PCSK9: variants seen among roughly 807,000 people sequenced by gnomAD.
PCSK9 encodes convertase subtilisin/kexin type 9 preproprotein.
Under a neutral mutation model 62.1 loss-of-function variants are expected in PCSK9, and 57 were observed. The observed-to-expected ratio is 0.92, with a 90% CI of 0.74 to 1.14. The LOEUF (loss-of-function observed/expected upper bound fraction) is 1.14. Ranked by LOEUF, PCSK9 falls within the 50% of genes most tolerant of loss-of-function variation. The pLI is 0.00. For synonymous variants in PCSK9, 387 were observed against 409.4 expected, an observed-to-expected ratio of 0.95 and a Z score of 0.66; for missense variants, 870 against 959.8, an observed-to-expected ratio of 0.91 and a Z score of 1.24.
chr1:55,051,401 G>A, intron 3 of PCSK9: 1 of 336,288 alleles, frequency 3.0e-6, no homozygotes, highest in Non-Finnish European at 5.8e-6. Flanking sequence ...CAACCTGCCT[G>A]AAGTCTTCCT....
At chr1:55,058,339 TG>T in intron 8 of PCSK9, 130 bp downstream of exon 8, 1 of 1,490,426 alleles carries the variant, frequency 6.7e-7, no homozygotes, top group Non-Finnish European at 9.2e-7. Context: ...TAAATGAGAA[TG>T]GGGCTCTGAA....
chr1:55,046,862 G>T (rs997662502), intron 3 of PCSK9, among the ~76,000 whole-genome samples: 7 of 152,058 alleles, frequency 4.6e-5, no homozygotes, highest in African/African-American at 1.7e-4. Context: ...TGCCTTAAAT[G>T]ATCCTCTTTT....
At position 55,052,716 on chromosome 1, in the gene PCSK9, G is replaced by A. The variant is rs1238510123; in HGVS notation, c.724G>A (p.Ala242Thr). 3 of 1,613,054 alleles carry A rather than the reference G, an allele frequency of 1.9e-6. No homozygotes were observed. Among genetic ancestry groups the A allele is most frequent in the Non-Finnish European group, 1.7e-6 (2 of 1,179,998 alleles). The part of the protein sequence containing the change: ...GVVSGRDAGV[A>T]KGASMRSLRV... ...GGTCAGCGGCCGGGATGCCGGCGTG[G>A]CCAAGGGTGCCAGCATGCGCAGCCT... Residue 242 changes from alanine (A) to threonine (T), a missense_variant, in exon 5 of 12, where the codon GCC becomes ACC. By Grantham distance (58) the Ala-to-Thr change is moderately conservative (BLOSUM62 0). Coordinates refer to ENST00000302118, the MANE Select transcript of PCSK9 (RefSeq NM_174936.4).
chr1:55,052,555 T>C, intron 4 of PCSK9, 95 bp from the exon 5 acceptor site: 1 of 1,601,610 alleles, frequency 6.2e-7, no homozygotes. Context: ...CTGCCATCAG[T>C]TGTGGGAAGG....
rs910368517 is a variant in PCSK9 at position 55,056,153 on chromosome 1, C to T, written c.960C>T (p.Asp320=). ...VLVTAAGNFR[D]DACLYSPASA... is the part of the protein sequence containing the mutation. ...TCACCGCTGCCGGCAACTTCCGGGA[C>T]GATGCCTGCCTCTACTCCCCAGCCT... Residue 320 remains aspartate, a synonymous_variant, in exon 6 of 12, where the codon GAC becomes GAT. Coordinates refer to ENST00000302118, the MANE Select transcript of PCSK9 (RefSeq NM_174936.4). 2.6e-6 allele frequency: 4 copies of T among 1,532,786 alleles called. No homozygotes were observed. Among genetic ancestry groups the T allele is most frequent in the Admixed American group, 3.7e-5 (2 of 54,582 alleles). The allele number at this position is 1,532,786 out of a possible 1,614,324, so 94.9% of individuals were successfully genotyped here.
chr1:55,046,381 C>T (rs977776947), intron 2 of PCSK9, 142 bp from the exon 3 acceptor site: 151 of 1,284,610 alleles, frequency 1.2e-4, no homozygotes, highest in Non-Finnish European at 1.3e-4. Context: ...GTCTGTCCTC[C>T]GGGGCACTAG....
rs149097297 is a variant in PCSK9 at position 55,057,507 on chromosome 1, C to T, written c.1173C>T (p.His391=). Residue 391 remains histidine (H), a synonymous_variant, in exon 7 of 12, where the codon CAC becomes CAT. Coordinates refer to ENST00000302118, the MANE Select transcript of PCSK9 (RefSeq NM_174936.4). ...GTGGGACATCACAGGCTGCTGCCCACGTGGCTGGTAAGTCACCACCCCACT... is the reference window on the plus strand; with the variant it reads ...GTGGGACATCACAGGCTGCTGCCCATGTGGCTGGTAAGTCACCACCCCACT... ...SQSGTSQAAA[H]VAGIAAMMLS... is the part of the protein sequence containing the mutation. 177 of 1,610,968 alleles carry T rather than the reference C, an allele frequency of 1.1e-4. No individual in the cohort carries two copies. The highest frequency in any genetic ancestry group is 1.4e-4 in the Non-Finnish European group (162 of 1,179,086).
chr1:55,064,840 A>T lies in PCSK9; in HGVS notation c.*1256A>T, dbSNP rs1644790656. 1 of 152,226 alleles carries T rather than the reference A, an allele frequency of 6.6e-6. No individual in the cohort carries two copies. Among genetic ancestry groups the T allele is most frequent in the Non-Finnish European group, 1.5e-5 (1 of 68,046 alleles). 9.4% of individuals were successfully genotyped at this position (152,226 alleles called of 1,614,324 possible). ...TGACTTTTTAAAATAAAAACAAACA[A>T]ACGTTGTCCTAACTCTTGCATAGAC... is the stretch of plus-strand genomic sequence containing the variant. On this transcript the variant is annotated 3_prime_UTR_variant, in exon 12 of 12. Transcript: ENST00000302118.
chr1:55,039,677 C>T lies in PCSK9; in HGVS notation c.-161C>T. The T allele has an allele frequency of 2.4e-6, 2 of 833,386 alleles. No individual in the cohort carries two copies. The highest frequency in any genetic ancestry group is 1.7e-5 in the African/African-American group (1 of 58,712). The allele number at this position is 833,386 out of a possible 1,614,324, so 51.6% of individuals were successfully genotyped here. A position where few individuals can be genotyped will look rare whatever the true frequency, so the allele number is the denominator to read the frequency against. On this transcript the variant is annotated 5_prime_UTR_variant, in exon 1 of 12. Coordinates refer to ENST00000302118, the MANE Select transcript of PCSK9 (RefSeq NM_174936.4). Reference sequence around the variant, plus strand: ...GACGCGTCGTTGCAGCAGCGGCTCCCAGCTCCCAGCCAGGATTCCGCGCGC... The same window carrying T: ...GACGCGTCGTTGCAGCAGCGGCTCCTAGCTCCCAGCCAGGATTCCGCGCGC...
chr1:55,052,566 G>A (rs1375641206), intron 4 of PCSK9, 84 bp from the exon 5 acceptor site: 1 of 1,604,610 alleles, frequency 6.2e-7, no homozygotes, highest in African/African-American at 1.3e-5. Flanking sequence ...TGTGGGAAGG[G>A]CGTTCATCCA....
At chr1:55,050,082 C>T (rs1160027083) in intron 3 of PCSK9, among the ~76,000 whole-genome samples, 1 of 152,254 alleles carries the variant, frequency 6.6e-6, no homozygotes, top group Non-Finnish European at 1.5e-5. Flanking sequence ...AGGGAAGCAG[C>T]CTCTGTGCTG....
chr1:55,047,370 C>T (rs28385708), intron 3 of PCSK9, among the ~76,000 whole-genome samples: 5,477 of 152,242 alleles, frequency 0.036, 144 homozygotes, highest in Middle Eastern at 0.14. Flanking sequence ...TGGAGCTCAG[C>T]GCAGAGATGA....
rs562305231 is a variant in PCSK9, at chr1:55,040,291, A to C, written c.207+247A>C. On this transcript the variant is annotated intron_variant, in intron 1 of 11. Coordinates refer to ENST00000302118, the MANE Select transcript of PCSK9 (RefSeq NM_174936.4). The surrounding 1 kb of genome is among the most constrained non-coding windows in gnomAD (Gnocchi z 4.1). ...ACTTGCTGGGGCGTGCGGCTGCGCT[A>C]TTCAGTGGGAAGGTTCGCGGGGTTG... Among the ~76,000 whole-genome samples, 3 of 152,100 alleles carry C rather than the reference A, an allele frequency of 2.0e-5. No individual in the cohort carries two copies.
At position 55,058,158 on chromosome 1, in the gene PCSK9, G is replaced by T. The variant is rs780948835; in HGVS notation, c.1303G>T (p.Val435Leu). 28 of 1,613,556 alleles carry T rather than the reference G, an allele frequency of 1.7e-5. No homozygotes were observed. The highest frequency in any genetic ancestry group is 2.2e-5 in the Non-Finnish European group (26 of 1,180,028). ...NEAWFPEDQR[V>L]LTPNLVAALP... Reference sequence around the variant, plus strand: ...GGCCTGGTTCCCTGAGGACCAGCGGGTACTGACCCCCAACCTGGTGGCCGC... The same window carrying T: ...GGCCTGGTTCCCTGAGGACCAGCGGTTACTGACCCCCAACCTGGTGGCCGC... Residue 435 changes from valine (V) to leucine (L), a missense_variant, in exon 8 of 12, where the codon GTA becomes TTA. Val to Leu is a conservative substitution (Grantham distance 32). Coordinates refer to ENST00000302118, the MANE Select transcript of PCSK9 (RefSeq NM_174936.4).
In PCSK9 at chr1:55,049,846, C is replaced by T. The variant is rs573986041; in HGVS notation, c.524-2432C>T. On this transcript the variant is annotated intron_variant, in intron 3 of 11. Transcript: ENST00000302118. Reference sequence around the variant, plus strand: ...TCTGCCGCTGGGGCCACACCCCAGGCCCAGGGATGGGACCCCACAGTGGTC... The same window carrying T: ...TCTGCCGCTGGGGCCACACCCCAGGTCCAGGGATGGGACCCCACAGTGGTC... Among the ~76,000 whole-genome samples the T allele has an allele frequency of 2.6e-5, 4 of 152,344 alleles. No homozygotes were observed. The East Asian group carries it at 7.7e-4, about 29-fold the overall frequency.
intron 5 of PCSK9, among the ~76,000 whole-genome samples, chr1:55,055,510 T>C (rs919074177): frequency 1.3e-5 from 2 of 152,162 alleles, no homozygotes. Context: ...CTGGTGTAAT[T>C]GCTAATATCT....
chr1:55,051,289 G>A (rs554294824), intron 3 of PCSK9: 1 of 441,314 alleles, frequency 2.3e-6, no homozygotes, highest in African/African-American at 2.0e-5. Context: ...TTGACTGACA[G>A]CCCAGAGGGC....
Position 55,063,440 on chromosome 1 carries a change from G to T in PCSK9, c.1935G>T (p.Leu645=). ...CSALPGTSHV[L]GAYAVDNTCV... The stretch of plus-strand genomic sequence containing the variant: ...CCCTCCCTGGGACCTCCCACGTCCT[G>T]GGGGCCTACGCCGTAGACAACACGT... The change falls in exon 12 of 12, where the codon CTG becomes CTT. Residue 645 remains leucine (L), a synonymous_variant. Coordinates refer to ENST00000302118, the MANE Select transcript of PCSK9 (RefSeq NM_174936.4). 1 of 1,614,044 alleles carries T rather than the reference G, an allele frequency of 6.2e-7. No individual in the cohort carries two copies. The highest frequency in any genetic ancestry group is 8.5e-7 in the Non-Finnish European group (1 of 1,179,970).
rs1037522978 is a variant in PCSK9 at position 55,044,145 on chromosome 1, G to A, written c.399+111G>A. ...GCTGAAAATCAGAAGGGGACAGCAA[G>A]TATGTATTGAGCACTTATCGGGTAC... On this transcript the variant is annotated intron_variant, in intron 2 of 11. Coordinates refer to ENST00000302118, the MANE Select transcript of PCSK9 (RefSeq NM_174936.4). 9 of 1,265,284 alleles carry A rather than the reference G, an allele frequency of 7.1e-6. No individual in the cohort carries two copies. The African/African-American group carries it at 7.4e-5, about 10-fold the overall frequency. 78.4% of individuals were successfully genotyped at this position (1,265,284 alleles called of 1,614,324 possible). A position where few individuals can be genotyped will look rare whatever the true frequency, so the allele number is the denominator to read the frequency against.
Sources: allele counts gnomAD v4.1 joint callset (sites outside exome capture counted in the v4.1 genomes callset), GRCh38; gene constraint gnomAD v4.1.1; non-coding constraint Gnocchi (gnomAD v3.1); transcripts MANE v1.5; gene names NCBI Gene and HGNC (gene_info 2026-07-23, HGNC 2026-07-21).